EXOSC10: variants seen among roughly 807,000 people sequenced by gnomAD.
The protein encoded by EXOSC10 is exosome complex component 10.
In EXOSC10, 94 loss-of-function variants were observed where a neutral mutation model predicts 126.6. The observed-to-expected ratio is 0.74, with a 90% CI of 0.63 to 0.88. The LOEUF (loss-of-function observed/expected upper bound fraction) is 0.88. Among genes scored for constraint, EXOSC10 ranks in the 40% least tolerant of loss-of-function variants. EXOSC10 has a pLI of 0.00. For missense variants in EXOSC10, 1,041 were observed against 1,100.5 expected (o/e 0.95, Z 0.77); for synonymous variants, 395 against 400.8 (o/e 0.99, Z 0.17).
At position 11,099,769 on chromosome 1, in the gene EXOSC10, G is replaced by A. The variant is rs778303832; in HGVS notation, c.63C>T (p.Asp21=). 1.2e-6 allele frequency: 2 copies of A among 1,612,198 alleles called. No homozygotes were observed. The highest frequency in any genetic ancestry group is 1.3e-5 in the African/African-American group (1 of 74,838). Residue 21 remains aspartate, a synonymous_variant, in exon 1 of 25, where the codon GAC becomes GAT. Transcript: ENST00000376936. ...VLSATSATKS[D]GEMVLPGFPD... ...GGAAGCCTGGCAGCACCATCTCTCC[G>A]TCGGATTTGGTTGCGCTGGTCGCCG...
intron 9 of EXOSC10, among the ~76,000 whole-genome samples, chr1:11,083,999 T>C (rs1274385625): frequency 6.6e-6 from 1 of 152,242 alleles, no homozygotes; most frequent in Non-Finnish European, 1.5e-5. Flanking sequence ...GGTGTATATG[T>C]GACACATTTT....
At chr1:11,078,314 G>C (rs1006342604) in intron 14 of EXOSC10, among the ~76,000 whole-genome samples, 1 of 150,064 alleles carries the variant, frequency 6.7e-6, no homozygotes, top group Non-Finnish European at 1.5e-5. Flanking sequence ...CTGGAGTGCA[G>C]TGGCGGGATC....
At chr1:11,078,574 A>G (rs541898572) in intron 14 of EXOSC10, among the ~76,000 whole-genome samples, 1 of 152,158 alleles carries the variant, frequency 6.6e-6, no homozygotes, top group Non-Finnish European at 1.5e-5. Flanking sequence ...TTTCAAAACA[A>G]CAACAACAAC....
chr1:11,086,134 A>C (rs1640481321), intron 9 of EXOSC10, among the ~76,000 whole-genome samples: 1 of 151,448 alleles, frequency 6.6e-6, no homozygotes, highest in Non-Finnish European at 1.5e-5. Flanking sequence ...TGCTGGCCTC[A>C]TAAAATGAGT....
At chr1:11,092,010 G>C (rs1640833825) in intron 3 of EXOSC10, among the ~76,000 whole-genome samples, 1 of 152,118 alleles carries the variant, frequency 6.6e-6, no homozygotes, top group African/African-American at 2.4e-5. Context: ...ACATTTTAAA[G>C]AGATTGGTAT....
At chr1:11,070,780 G>T (rs1639436787) in intron 21 of EXOSC10, 120 bp downstream of exon 21, 1 of 849,796 alleles carries the variant, frequency 1.2e-6, no homozygotes, top group African/African-American at 1.7e-5. Flanking sequence ...AGGTGAACCG[G>T]AAAGAAGTCA....
At chr1:11,099,477 C>A (rs886822081) in intron 1 of EXOSC10, among the ~76,000 whole-genome samples, 3 of 152,220 alleles carry the variant, frequency 2.0e-5, no homozygotes, top group African/African-American at 7.2e-5. Flanking sequence ...TCCCAGGATG[C>A]GAGACGGCTT....
At chr1:11,079,401 T>C (rs1640014646) in intron 14 of EXOSC10, among the ~76,000 whole-genome samples, 1 of 149,550 alleles carries the variant, frequency 6.7e-6, no homozygotes, top group South Asian at 2.1e-4. Context: ...AAAATCTTTT[T>C]TTTTTTTTTT....
At chr1:11,089,208 T>A in intron 6 of EXOSC10, among the ~76,000 whole-genome samples, 1 of 121,996 alleles carries the variant, frequency 8.2e-6, no homozygotes. Flanking sequence ...CCAGCCTGGG[T>A]GACAGAGCAA....
intron 14 of EXOSC10, among the ~76,000 whole-genome samples, chr1:11,079,457 G>C (rs1376624973): frequency 7.0e-6 from 1 of 143,274 alleles, no homozygotes; most frequent in Non-Finnish European, 1.5e-5. Flanking sequence ...GCAGTGGCGC[G>C]ATCTCGGCTC....
chr1:11,078,190 G>A (rs1415310654), intron 14 of EXOSC10, among the ~76,000 whole-genome samples: 2 of 152,132 alleles, frequency 1.3e-5, no homozygotes, highest in Non-Finnish European at 2.9e-5. Context: ...TGGGAGCCTA[G>A]CAGATGCGAG....
chr1:11,095,784 C>G lies in EXOSC10; in HGVS notation c.346G>C (p.Ala116Pro), dbSNP rs1231114905. ...LEDKFDLLVD[A>P]NDVILERVGI... ...ACTCTCTCCAGAATTACATCATTGG[C>G]ATCAACTAGTAAATCAAACTTGTCT... The change falls in exon 3 of 25, where the codon GCC (alanine) becomes CCC (proline). Residue 116 changes from alanine (A) to proline (P), a missense_variant. Ala to Pro is a conservative substitution (Grantham distance 27). Coordinates refer to ENST00000376936, the MANE Select transcript of EXOSC10 (RefSeq NM_001001998.3). 3 of 1,614,022 alleles carry G rather than the reference C, an allele frequency of 1.9e-6. No individual in the cohort carries two copies. In the Admixed American group the frequency reaches 5.0e-5, roughly 27 times the overall value.
At chr1:11,069,191 T>C (rs1639294897) in intron 22 of EXOSC10, among the ~76,000 whole-genome samples, 1 of 140,154 alleles carries the variant, frequency 7.1e-6, no homozygotes, top group Non-Finnish European at 1.6e-5. Flanking sequence ...TAGGGGTTCA[T>C]GTCATAGGCT....
Position 11,087,466 on chromosome 1 carries a change from T to C in EXOSC10, c.1071A>G (p.Thr357=), listed in dbSNP as rs138129068. The change falls in exon 9 of 25, where the codon ACA becomes ACG. Residue 357 remains threonine (T), a synonymous_variant. Coordinates refer to ENST00000376936, the MANE Select transcript of EXOSC10 (RefSeq NM_001001998.3). ...SDMYILNESL[T]DPAIVKVFHG... Reference sequence around the variant, plus strand: ...GGCTGACCTTAACGATGGCTGGGTCTGTGAGGCTCTCATTGAGAATGTACA... The same window carrying C: ...GGCTGACCTTAACGATGGCTGGGTCCGTGAGGCTCTCATTGAGAATGTACA... 6.3e-4 allele frequency: 1,012 copies of C among 1,614,158 alleles called. 9 individuals carry two copies. The African/African-American group carries it at 0.012, about 19-fold the overall frequency.
rs777173257 is a variant in EXOSC10, at chr1:11,068,053, G to A, written c.2582C>T (p.Ser861Leu). ...AAAGGACATGCTTTTGTTTCCCACCGACTGTTTAATTTTTTTGGCTGCAAT... is the reference window on the plus strand; with the variant it reads ...AAAGGACATGCTTTTGTTTCCCACCAACTGTTTAATTTTTTTGGCTGCAAT... ...KCIAAKKIKQSVGNKSMSFPT... is the reference protein window; with the variant it reads ...KCIAAKKIKQLVGNKSMSFPT... The change falls in exon 24 of 25, where the codon TCG becomes TTG. Residue 861 changes from serine (S) to leucine (L), a missense_variant. Transcript: ENST00000376936. 10 of 1,614,038 alleles carry A rather than the reference G, an allele frequency of 6.2e-6. No homozygotes were observed. The highest frequency in any genetic ancestry group is 4.5e-5 in the East Asian group (2 of 44,876).
chr1:11,066,656 T>C lies in EXOSC10; in HGVS notation c.*62A>G, dbSNP rs553769859. 45 of 1,562,832 alleles carry C rather than the reference T, an allele frequency of 2.9e-5. No homozygotes were observed. In the African/African-American group the frequency reaches 4.5e-4, roughly 15 times the overall value. ...AATTTTAATGGTTTAAAAATATGTA[T>C]GTACAAAAGCAGCACCAGCATTTGG... On this transcript the variant is annotated 3_prime_UTR_variant, in exon 25 of 25. Transcript: ENST00000376936.
In EXOSC10 at chr1:11,069,645, A is replaced by G; in HGVS notation, c.2402T>C (p.Ile801Thr). 1 of 1,614,130 alleles carries G rather than the reference A, an allele frequency of 6.2e-7. No homozygotes were observed. The highest frequency in any genetic ancestry group is 8.5e-7 in the Non-Finnish European group (1 of 1,180,028). The change falls in exon 22 of 25, where the codon ATT (isoleucine) becomes ACT (threonine). Residue 801 changes from isoleucine to threonine, a missense_variant. By Grantham distance (89) the Ile-to-Thr change is moderately conservative (BLOSUM62 -1). Transcript: ENST00000376936. The stretch of plus-strand genomic sequence containing the variant: ...CTCTGGGTCCTTTGGCTTCTTGGAA[A>G]TTTTGAGTCGTTTCTTCTCTTGTTT... Reference protein sequence around the residue: ...EQKQEKKRLKISKKPKDPEPP... With the variant: ...EQKQEKKRLKTSKKPKDPEPP...
In EXOSC10 at chr1:11,090,959, GT is replaced by G. The variant is rs1472537653; in HGVS notation, c.643+54del. 4.4e-6 allele frequency: 7 copies of G among 1,574,236 alleles called. No individual in the cohort carries two copies. In the East Asian group the frequency reaches 1.6e-4, roughly 35 times the overall value. On this transcript the variant is annotated intron_variant, in intron 5 of 24. Coordinates refer to ENST00000376936, the MANE Select transcript of EXOSC10 (RefSeq NM_001001998.3). ...AAGAGAGACCTGTACACCCTTCCTG[GT>G]TTTTGCATCAAATAAAGTGAGACTC...
rs1640764818 is a variant in EXOSC10, at chr1:11,090,879, A to G, written c.643+135T>C. ...TGATCCTCCCACTTCAGCCTCTGGA[A>G]TAGCTGAACTGGGCTCCCTTTGAAC... is the stretch of plus-strand genomic sequence containing the variant. On this transcript the variant is annotated intron_variant, in intron 5 of 24. Transcript: ENST00000376936. The G allele has an allele frequency of 1.2e-5, 12 of 1,038,456 alleles. No homozygotes were observed. In the East Asian group the frequency reaches 2.6e-4, roughly 23 times the overall value. 64.3% of individuals were successfully genotyped at this position (1,038,456 alleles called of 1,614,324 possible).
Sources: gnomAD v4.1 joint callset for allele counts (sites outside exome capture counted in the v4.1 genomes callset) on GRCh38, gnomAD v4.1.1 for gene constraint, MANE v1.5 for transcripts, NCBI Gene and HGNC (gene_info 2026-07-23, HGNC 2026-07-21) for gene names.